The following FAM135B variants were observed in gnomAD, a reference collection of about 807,000 sequenced individuals.
The protein encoded by FAM135B is family with sequence similarity 135 member B, also known as protein FAM135B.
FAM135B carries 43 observed loss-of-function variants against 127.7 expected under a neutral mutation model. That is an observed-to-expected ratio of 0.34 (90% CI 0.26 to 0.43). The LOEUF is 0.43. Ranked by LOEUF, FAM135B falls within the 20% of genes least tolerant of loss-of-function variation. FAM135B has a pLI of 1.00. For synonymous variants in FAM135B, 670 were observed against 665.1 expected (o/e 1.01, Z -0.11); for missense variants, 1,558 against 1,725.6 (o/e 0.90, Z 1.72).
intron 1 of FAM135B, among the ~76,000 whole-genome samples, chr8:138,370,594 G>A (rs985747799): frequency 1.2e-4 from 19 of 152,086 alleles, no homozygotes; most frequent in Non-Finnish European, 2.2e-4. Flanking sequence ...GGGACTACAG[G>A]CACCCACCAC....
intron 3 of FAM135B, among the ~76,000 whole-genome samples, chr8:138,308,100 C>T (rs1206589657): frequency 1.3e-5 from 2 of 152,146 alleles, no homozygotes; most frequent in African/African-American, 4.8e-5. Context: ...GAGGAAGCAA[C>T]CCTGGGCCAG....
chr8:138,443,350 A>G (rs914853273), intron 1 of FAM135B, among the ~76,000 whole-genome samples: 1 of 152,130 alleles, frequency 6.6e-6, no homozygotes, highest in Non-Finnish European at 1.5e-5. Context: ...TTCCAAAGAC[A>G]TTCTCCAAAA....
intron 2 of FAM135B, among the ~76,000 whole-genome samples, chr8:138,327,589 C>T (rs1827881720): frequency 6.6e-6 from 1 of 152,190 alleles, no homozygotes; most frequent in Non-Finnish European, 1.5e-5. Context: ...AGCTTTGTGT[C>T]CACATCATTC....
intron 1 of FAM135B, among the ~76,000 whole-genome samples, chr8:138,421,487 T>C (rs1391920581): frequency 6.6e-6 from 1 of 152,168 alleles, no homozygotes; most frequent in East Asian, 1.9e-4. Flanking sequence ...TTTCTATACA[T>C]AATTAATGTC....
At chr8:138,145,892 G>A (rs1174048453) in intron 15 of FAM135B, 67 bp downstream of exon 15, 4 of 807,110 alleles carry the variant, frequency 5.0e-6, no homozygotes, top group Non-Finnish European at 8.5e-6. Flanking sequence ...TTATCATGGT[G>A]CATTTAGGAG....
At chr8:138,361,858 ACT>A (rs1486644154) in intron 2 of FAM135B, among the ~76,000 whole-genome samples, 1 of 151,904 alleles carries the variant, frequency 6.6e-6, no homozygotes, top group East Asian at 1.9e-4. Context: ...ATCTGTTCTG[ACT>A]CTGCCTAGAG....
intron 2 of FAM135B, among the ~76,000 whole-genome samples, chr8:138,353,525 A>AG (rs1301513272): frequency 1.3e-5 from 2 of 152,076 alleles, no homozygotes; most frequent in Non-Finnish European, 2.9e-5. Context: ...CTCTTTTGCA[A>AG]GTTTCTTCAC....
At chr8:138,382,459 G>C (rs1045694841) in intron 1 of FAM135B, among the ~76,000 whole-genome samples, 1 of 152,104 alleles carries the variant, frequency 6.6e-6, no homozygotes, top group Non-Finnish European at 1.5e-5. Context: ...GATATGGGGG[G>C]TTTGGGGTGA....
At chr8:138,367,860 A>AACACAC (rs3084240) in intron 2 of FAM135B, 47 bp downstream of exon 2, 23,884 of 1,239,606 alleles carry the variant, frequency 0.019, 236 homozygotes, top group East Asian at 0.14. Flanking sequence ...AGAAACAAAC[A>AACACAC]ACACACACAC....
intron 11 of FAM135B, 143 bp from the exon 12 acceptor site, chr8:138,168,192 C>T: frequency 1.1e-6 from 1 of 930,798 alleles, no homozygotes; most frequent in Non-Finnish European, 1.5e-6. Context: ...CTTCCACCCA[C>T]CTACTTAGCC....
At chr8:138,162,003 T>C (rs1819449150) in intron 12 of FAM135B, among the ~76,000 whole-genome samples, 1 of 152,156 alleles carries the variant, frequency 6.6e-6, no homozygotes, top group African/African-American at 2.4e-5. Flanking sequence ...CAAATAATAA[T>C]AAGCTCATTA....
chr8:138,365,100 G>C (rs1354479855), intron 2 of FAM135B, among the ~76,000 whole-genome samples: 1 of 152,138 alleles, frequency 6.6e-6, no homozygotes, highest in African/African-American at 2.4e-5. Context: ...ACCTGTCTCA[G>C]CCTCCCAAAG....
intron 6 of FAM135B, among the ~76,000 whole-genome samples, chr8:138,248,685 C>T (rs536371232): frequency 1.5e-3 from 235 of 151,842 alleles, no homozygotes; most frequent in African/African-American, 5.3e-3. Context: ...CCAAGCATGA[C>T]GGCTCCTGCC....
intron 5 of FAM135B, among the ~76,000 whole-genome samples, chr8:138,251,854 C>A (rs1479718400): frequency 6.6e-6 from 1 of 152,184 alleles, no homozygotes; most frequent in Non-Finnish European, 1.5e-5. Flanking sequence ...ACAAGGGAAA[C>A]CTGGGAGGAG....
intron 3 of FAM135B, among the ~76,000 whole-genome samples, chr8:138,290,510 C>T (rs887724807): frequency 1.3e-5 from 2 of 152,050 alleles, no homozygotes; most frequent in African/African-American, 4.8e-5. Flanking sequence ...GTTTTGTTTG[C>T]TTGAATTATT....
At chr8:138,182,823 A>G (rs930656917) in intron 9 of FAM135B, among the ~76,000 whole-genome samples, 2 of 152,224 alleles carry the variant, frequency 1.3e-5, no homozygotes, top group African/African-American at 2.4e-5. Flanking sequence ...CGGAATCACT[A>G]GGAGGCTATA....
At position 138,151,399 on chromosome 8, in the gene FAM135B, T is replaced by C. The variant is rs2130728088; in HGVS notation, c.3076A>G (p.Lys1026Glu). 1 of 1,613,858 alleles carries C rather than the reference T, an allele frequency of 6.2e-7. No individual in the cohort carries two copies. The highest frequency in any genetic ancestry group is 8.5e-7 in the Non-Finnish European group (1 of 1,179,888). The change falls in exon 13 of 20, where the codon AAG (lysine) becomes GAG (glutamate). Residue 1026 changes from lysine (K) to glutamate (E), a missense_variant. Coordinates refer to ENST00000395297, the MANE Select transcript of FAM135B (RefSeq NM_015912.4). ...SAETFTLDSL[K>E]AVEVVNLSVS... The stretch of plus-strand genomic sequence containing the variant: ...GATAAGTTCACAACCTCCACAGCCT[T>C]CAGGCTGTCCAGAGTAAAGGTCTCT...
At chr8:138,226,819 C>T (rs1819492715) in intron 7 of FAM135B, among the ~76,000 whole-genome samples, 1 of 152,302 alleles carries the variant, frequency 6.6e-6, no homozygotes, top group South Asian at 2.1e-4. Context: ...ACCTCAGCCT[C>T]CCAAAGTGCT....
At chr8:138,418,870 A>T (rs1195260744) in intron 1 of FAM135B, among the ~76,000 whole-genome samples, 1 of 149,928 alleles carries the variant, frequency 6.7e-6, no homozygotes, top group East Asian at 2.0e-4. Flanking sequence ...GAAAAAAAAA[A>T]CACTCACCAA....
Sources: allele counts gnomAD v4.1 joint callset (sites outside exome capture counted in the v4.1 genomes callset), GRCh38; gene constraint gnomAD v4.1.1; transcripts MANE v1.5; gene names NCBI Gene and HGNC (gene_info 2026-07-23, HGNC 2026-07-21).